DLG2: variants seen among roughly 807,000 people sequenced by gnomAD.
The protein encoded by DLG2 is discs large MAGUK scaffold protein 2.
A neutral mutation model predicts 132.5 loss-of-function variants in DLG2; 45 were observed. That is an observed-to-expected ratio of 0.34 (90% confidence interval 0.27 to 0.44). The LOEUF (loss-of-function observed/expected upper bound fraction) is 0.44, where lower values mean the gene tolerates loss of function less well. Ranked by LOEUF, DLG2 falls within the 20% of genes least tolerant of loss-of-function variation. The pLI, the probability that DLG2 is intolerant of heterozygous loss-of-function variation, is 1.00. For missense variants in DLG2, 1,045 were observed against 1,196.9 expected, an observed-to-expected ratio of 0.87 and a Z score of 1.87; for synonymous variants, 424 against 419.6, an observed-to-expected ratio of 1.01 and a Z score of -0.13.
chr11:85,424,193 T>G (rs158088), intron 3 of DLG2, among the ~76,000 whole-genome samples: 135,666 of 152,144 alleles, frequency 0.89, 60,726 homozygotes, highest in African/African-American at 0.92. Flanking sequence ...TTTCCCTAGC[T>G]GGGGGGTGTG....
chr11:84,768,266 C>G (rs2068725754), intron 6 of DLG2, among the ~76,000 whole-genome samples: 1 of 152,118 alleles, frequency 6.6e-6, no homozygotes, highest in African/African-American at 2.4e-5. Context: ...TCTCGTTATT[C>G]TATAGCTTAT....
intron 18 of DLG2, among the ~76,000 whole-genome samples, chr11:83,746,693 T>C (rs571184568): frequency 6.6e-6 from 1 of 152,276 alleles, no homozygotes; most frequent in East Asian, 1.9e-4. Flanking sequence ...AACCTGCACG[T>C]TGTGCACATG....
At chr11:84,954,045 C>G (rs1352924050) in intron 6 of DLG2, among the ~76,000 whole-genome samples, 1 of 151,986 alleles carries the variant, frequency 6.6e-6, no homozygotes, top group Non-Finnish European at 1.5e-5. Flanking sequence ...TTTACCTTTC[C>G]GCTTGATTTT....
intron 3 of DLG2, among the ~76,000 whole-genome samples, chr11:85,439,576 G>T (rs2091671272): frequency 1.3e-5 from 2 of 151,956 alleles, no homozygotes; most frequent in South Asian, 2.1e-4. Context: ...AGCCAGGATG[G>T]TCTCAATCTC....
intron 18 of DLG2, among the ~76,000 whole-genome samples, chr11:83,728,753 T>C (rs1468194962): frequency 6.6e-6 from 1 of 152,246 alleles, no homozygotes; most frequent in Non-Finnish European, 1.5e-5. Context: ...ACTCTTGTCT[T>C]AGGCCTAAAT....
rs1225796856 is a variant in DLG2 at position 84,236,214 on chromosome 11, T to A, written c.573+15024A>T. ...TAATTTCACTATCAAAGCATAAATT[T>A]ATTAAATCAAACTGCCATCGAATAA... On this transcript the variant is annotated intron_variant, in intron 8 of 27. Coordinates refer to ENST00000376104, the MANE Select transcript of DLG2 (RefSeq NM_001142699.3). Among the ~76,000 whole-genome samples, 5 of 152,186 alleles carry A rather than the reference T, an allele frequency of 3.3e-5. No homozygotes were observed. In the East Asian group the frequency reaches 9.6e-4, roughly 29 times the overall value.
chr11:83,790,801 G>A (rs1185031931), intron 17 of DLG2: 7 of 753,704 alleles, frequency 9.3e-6, no homozygotes, highest in Admixed American at 5.3e-5. Context: ...GGGAAAGAGC[G>A]CCCTCCCACT....
intron 20 of DLG2, among the ~76,000 whole-genome samples, chr11:83,537,356 C>T (rs1474111666): frequency 6.6e-6 from 1 of 152,114 alleles, no homozygotes; most frequent in Non-Finnish European, 1.5e-5. Context: ...CTATGCTCCA[C>T]AGGTCCTGTT....
intron 3 of DLG2, among the ~76,000 whole-genome samples, chr11:85,389,950 A>C (rs976279563): frequency 1.3e-5 from 2 of 152,112 alleles, no homozygotes; most frequent in Non-Finnish European, 2.9e-5. Flanking sequence ...GCAACAACAC[A>C]ATGAAAAAAG....
chr11:83,508,958 T>C (rs1000947743), intron 21 of DLG2, among the ~76,000 whole-genome samples: 1 of 152,252 alleles, frequency 6.6e-6, no homozygotes, highest in Non-Finnish European at 1.5e-5. Context: ...TAATAGCTGT[T>C]GTCTGCAGTA....
intron 4 of DLG2, among the ~76,000 whole-genome samples, chr11:85,174,070 A>G (rs2079056173): frequency 6.6e-6 from 1 of 152,200 alleles, no homozygotes; most frequent in South Asian, 2.1e-4. Flanking sequence ...ACCAAGACAG[A>G]AAATTAACAA....
intron 6 of DLG2, among the ~76,000 whole-genome samples, chr11:85,108,007 A>AACAC (rs10654409): frequency 0.13 from 18,398 of 142,150 alleles, 1,421 homozygotes; most frequent in South Asian, 0.27. Context: ...CAAACAAATA[A>AACAC]ACACACACAC....
At chr11:83,517,208 A>C (rs185490196) in intron 21 of DLG2, among the ~76,000 whole-genome samples, 1 of 152,164 alleles carries the variant, frequency 6.6e-6, no homozygotes, top group Non-Finnish European at 1.5e-5. Flanking sequence ...TATTTCTTGG[A>C]GGCTTTGTGC....
chr11:85,343,569 T>C (rs1045015289), intron 3 of DLG2, among the ~76,000 whole-genome samples: 8 of 152,144 alleles, frequency 5.3e-5, no homozygotes, highest in Non-Finnish European at 1.0e-4. Flanking sequence ...GCCTTGGCAT[T>C]TTTTTCAGCT....
intron 4 of DLG2, among the ~76,000 whole-genome samples, chr11:85,227,036 G>A (rs1006391452): frequency 1.3e-5 from 2 of 152,142 alleles, no homozygotes; most frequent in Non-Finnish European, 2.9e-5. Flanking sequence ...TATCAAGGTG[G>A]AGGGTCAGAG....
intron 3 of DLG2, among the ~76,000 whole-genome samples, chr11:85,560,012 T>A (rs961666595): frequency 6.6e-6 from 1 of 151,828 alleles, no homozygotes; most frequent in Non-Finnish European, 1.5e-5. Context: ...AACCATTTAT[T>A]ATAAATAAAT....
intron 11 of DLG2, among the ~76,000 whole-genome samples, chr11:84,050,096 A>T (rs562259541): frequency 6.6e-6 from 1 of 151,678 alleles, no homozygotes; most frequent in Admixed American, 6.6e-5. Context: ...GCTGGAGGAG[A>T]AAGAGATCAC....
At chr11:84,915,467 G>C (rs1419254395) in intron 6 of DLG2, among the ~76,000 whole-genome samples, 2 of 152,090 alleles carry the variant, frequency 1.3e-5, no homozygotes, top group Non-Finnish European at 2.9e-5. Flanking sequence ...AAATCTTTGG[G>C]TCTATATGTT....
chr11:83,637,993 C>T (rs910091203), intron 18 of DLG2, among the ~76,000 whole-genome samples: 11 of 152,158 alleles, frequency 7.2e-5, no homozygotes, highest in African/African-American at 2.7e-4. Context: ...TTCTGTCTTG[C>T]TTTGCATGAA....
Sources: gnomAD v4.1 joint callset for allele counts (sites outside exome capture counted in the v4.1 genomes callset) on GRCh38, gnomAD v4.1.1 for gene constraint, MANE v1.5 for transcripts, NCBI Gene and HGNC (gene_info 2026-07-23, HGNC 2026-07-21) for gene names.